Variants in ACOT11 observed in about 807,000 individuals in gnomAD.
ACOT11 encodes the protein acyl-coenzyme A thioesterase 11.
In ACOT11, 69 loss-of-function variants were observed where a neutral mutation model predicts 77.5. That is an observed-to-expected ratio of 0.89 (90% confidence interval 0.73 to 1.09). ACOT11 has a LOEUF of 1.09. Ranked by LOEUF, ACOT11 falls within the 50% of genes least tolerant of loss-of-function variation. The pLI is 0.00. For synonymous variants in ACOT11, 279 were observed against 313.0 expected (o/e 0.89, Z 1.15); for missense variants, 766 against 813.7 (o/e 0.94, Z 0.71).
intron 1 of ACOT11, among the ~76,000 whole-genome samples, chr1:54,570,674 G>A (rs528634369): frequency 9.2e-6 from 1 of 109,156 alleles, no homozygotes; most frequent in Non-Finnish European, 1.9e-5. Flanking sequence ...GAGCCACCGT[G>A]CCTGGCCTTT....
intron 1 of ACOT11, among the ~76,000 whole-genome samples, chr1:54,554,676 C>T (rs184027458): frequency 1.6e-3 from 242 of 152,120 alleles, no homozygotes; most frequent in African/African-American, 5.7e-3. Flanking sequence ...ATCCATTCAT[C>T]CACTGGTGGA....
downstream of ACOT11, among the ~76,000 whole-genome samples, chr1:54,614,427 A>G (rs987583446): frequency 2.0e-5 from 3 of 151,992 alleles, no homozygotes; most frequent in Middle Eastern, 0.01. Context: ...GCTGTGTTAG[A>G]AGGAAGTGTA....
intron 1 of ACOT11, among the ~76,000 whole-genome samples, chr1:54,573,693 G>A (rs300274): frequency 0.74 from 112,432 of 151,990 alleles, 41,880 homozygotes; most frequent in African/African-American, 0.84. Flanking sequence ...AGATCACACC[G>A]CTGCATTCCA....
At chr1:54,631,554 C>T (rs947570299) in intron 16 of ACOT11, among the ~76,000 whole-genome samples, 2 of 152,132 alleles carry the variant, frequency 1.3e-5, no homozygotes, top group African/African-American at 4.8e-5. Flanking sequence ...ATGCCCAGGT[C>T]CAACCTCAAA....
intron 11 of ACOT11, 48 bp downstream of exon 11, chr1:54,603,985 C>T: frequency 6.4e-7 from 1 of 1,558,308 alleles, no homozygotes; most frequent in Non-Finnish European, 8.9e-7. Context: ...CACCGGGCCC[C>T]CACCCTTCCC....
At chr1:54,593,900 A>G (rs1057095419) in intron 4 of ACOT11, 41 bp from the exon 5 acceptor site, 5 of 1,564,718 alleles carry the variant, frequency 3.2e-6, no homozygotes, top group African/African-American at 1.4e-5. Flanking sequence ...GGTGAGTGCA[A>G]TGTTGTTCCT....
chr1:54,569,800 AG>A (rs1377426651), intron 1 of ACOT11, among the ~76,000 whole-genome samples: 1 of 152,244 alleles, frequency 6.6e-6, no homozygotes, highest in Non-Finnish European at 1.5e-5. Flanking sequence ...GCTTAAATGC[AG>A]GTTGATAGAA....
intron 15 of ACOT11, among the ~76,000 whole-genome samples, chr1:54,625,174 G>GTGTACTGGACAGT (rs1463032463): frequency 6.6e-6 from 1 of 151,510 alleles, no homozygotes. Context: ...CTGGAGCCCA[G>GTGTACTGGACAGT]GCTCAATTCT....
downstream of ACOT11, among the ~76,000 whole-genome samples, chr1:54,612,113 A>C (rs566488617): frequency 7.5e-6 from 1 of 133,266 alleles, no homozygotes; most frequent in South Asian, 2.8e-4. Context: ...GGTAGGGGGT[A>C]TAGTGGGGGC....
intron 15 of ACOT11, among the ~76,000 whole-genome samples, chr1:54,622,407 G>A (rs940059092): frequency 4.6e-5 from 7 of 151,590 alleles, no homozygotes; most frequent in Non-Finnish European, 7.4e-5. Context: ...GGTGAAACCC[G>A]TCTGTACTAA....
At chr1:54,572,695 G>A (rs891810114) in intron 1 of ACOT11, among the ~76,000 whole-genome samples, 1 of 152,200 alleles carries the variant, frequency 6.6e-6, no homozygotes, top group African/African-American at 2.4e-5. Flanking sequence ...GTGGCAAATA[G>A]CCCCAAGGGA....
chr1:54,597,845 C>G (rs1290729695), intron 7 of ACOT11: 1 of 177,590 alleles, frequency 5.6e-6, no homozygotes, highest in East Asian at 1.7e-4. Flanking sequence ...TGCTAATATC[C>G]TGCCCACTTC....
At chr1:54,599,223 T>TATATATATATATAA (rs1643934370) in intron 7 of ACOT11, 73 bp from the exon 8 acceptor site, 1 of 191,024 alleles carries the variant, frequency 5.2e-6, no homozygotes, top group Non-Finnish European at 7.9e-6. Context: ...TATATATATA[T>TATATATATATATAA]AAAAATCTGG....
At chr1:54,610,560 G>C, downstream of ACOT11, 4 of 1,609,348 alleles carry the variant, frequency 2.5e-6, no homozygotes, top group Non-Finnish European at 3.4e-6. Flanking sequence ...CATTCACTGT[G>C]GGGCCCCAAA....
rs983033840 is a variant in ACOT11 at position 54,619,958 on chromosome 1, C to T, written c.1630-10776C>T. On this transcript the variant is annotated intron_variant, in intron 15 of 16. Transcript: ENST00000371316. ...GCCGGCTGATCTGGCCCAGGCTCAG[C>T]AGGTAGTCCAGCATGTCGGCATCAG... The T allele has an allele frequency of 5.0e-6, 8 of 1,614,064 alleles. No individual in the cohort carries two copies. In the African/African-American group the frequency reaches 1.1e-4, roughly 22 times the overall value.
chr1:54,604,010 G>A, intron 11 of ACOT11, 73 bp downstream of exon 11: 1 of 1,426,418 alleles, frequency 7.0e-7, no homozygotes, highest in East Asian at 2.3e-5. Flanking sequence ...TGTCAGAACG[G>A]GTTTGGAGGA....
intron 15 of ACOT11, chr1:54,616,054 C>T (rs761361008): frequency 6.2e-7 from 1 of 1,614,126 alleles, no homozygotes; most frequent in Non-Finnish European, 8.5e-7. Context: ...CGTCCAGCCA[C>T]TGCTCCAGTG....
chr1:54,601,228 G>A (rs759132615), intron 8 of ACOT11, 41 bp from the exon 9 acceptor site: 3 of 1,591,064 alleles, frequency 1.9e-6, no homozygotes, highest in African/African-American at 1.3e-5. Flanking sequence ...TGGCCCTTGG[G>A]AAGGTCTGTC....
Position 54,584,861 on chromosome 1 carries a change from C to T in ACOT11, c.240C>T (p.Ser80=), listed in dbSNP as rs527903398. ...LKWIDTTACL[S]AERHAGCPCV... is the part of the protein sequence containing the mutation. Reference sequence around the variant, plus strand: ...GGATTGACACCACGGCTTGCCTGTCCGGTAAGGCTGCGCTCCCCATGGTTC... The same window carrying T: ...GGATTGACACCACGGCTTGCCTGTCTGGTAAGGCTGCGCTCCCCATGGTTC... Residue 80 remains serine, a splice_region_variant and synonymous_variant, in exon 2 of 16, where the codon TCC becomes TCT. Transcript: ENST00000343744. This position sits in a 1 kb window ranked among gnomAD's most constrained non-coding sequence, Gnocchi z 6.3. 65 of 1,611,642 alleles carry T rather than the reference C, an allele frequency of 4.0e-5. 1 individual carries two copies. The South Asian group carries it at 5.1e-4, about 13-fold the overall frequency.
Sources: gnomAD v4.1 joint callset for allele counts (sites outside exome capture counted in the v4.1 genomes callset) on GRCh38, gnomAD v4.1.1 for gene constraint, Gnocchi (gnomAD v3.1) non-coding constraint, MANE v1.5 for transcripts, NCBI Gene and HGNC (gene_info 2026-07-23, HGNC 2026-07-21) for gene names.